THSD4: variants seen among roughly 807,000 people sequenced by gnomAD.
The protein encoded by THSD4 is thrombospondin type-1 domain-containing protein 4.
A neutral mutation model predicts 119.0 loss-of-function variants in THSD4; 69 were observed. The ratio of observed to expected loss-of-function variants is 0.58; its 90% CI spans 0.48 to 0.71. The LOEUF (loss-of-function observed/expected upper bound fraction) is 0.71. Among genes scored for constraint, THSD4 ranks in the 30% least tolerant of loss-of-function variants. The pLI is 0.00. For synonymous variants in THSD4, 524 were observed against 540.4 expected (o/e 0.97, Z 0.42); for missense variants, 1,393 against 1,391.1 (o/e 1.00, Z -0.02).
chr15:71,132,520 A>G (rs1180909947), intron 1 of THSD4, among the ~76,000 whole-genome samples: 1 of 152,270 alleles, frequency 6.6e-6, no homozygotes, highest in Non-Finnish European at 1.5e-5. Context: ...AAGAACATCA[A>G]AAGGTTTAAT....
chr15:71,191,738 C>T (rs769958888), intron 3 of THSD4, among the ~76,000 whole-genome samples: 6 of 152,096 alleles, frequency 3.9e-5, no homozygotes, highest in Admixed American at 2.0e-4. Flanking sequence ...AATCTCATCT[C>T]CTTTTACCCT....
At chr15:71,412,440 G>T (rs2140503950) in intron 7 of THSD4, among the ~76,000 whole-genome samples, 1 of 152,270 alleles carries the variant, frequency 6.6e-6, no homozygotes, top group Non-Finnish European at 1.5e-5. Context: ...TTAAAAATAG[G>T]CATCTTAGAT....
chr15:71,631,305 G>T (rs1434956741), intron 7 of THSD4, among the ~76,000 whole-genome samples: 1 of 152,196 alleles, frequency 6.6e-6, no homozygotes, highest in Admixed American at 6.5e-5. Flanking sequence ...GGTTGAAAAG[G>T]AGAGAGCTTT....
At chr15:71,624,833 A>G (rs963294039) in intron 7 of THSD4, among the ~76,000 whole-genome samples, 2 of 152,186 alleles carry the variant, frequency 1.3e-5, no homozygotes, top group South Asian at 2.1e-4. Flanking sequence ...TGCTAGGATC[A>G]TCTGGTGAGC....
At chr15:71,605,903 G>A (rs915180848) in intron 7 of THSD4, among the ~76,000 whole-genome samples, 4 of 152,160 alleles carry the variant, frequency 2.6e-5, no homozygotes, top group Admixed American at 2.6e-4. Flanking sequence ...TGGGGAGGAA[G>A]GCACAGGAGA....
At chr15:71,510,568 G>A (rs572442880) in intron 7 of THSD4, among the ~76,000 whole-genome samples, 4 of 152,318 alleles carry the variant, frequency 2.6e-5, no homozygotes, top group African/African-American at 9.6e-5. Flanking sequence ...CGTCTACAGA[G>A]TGACCTGAAT....
At chr15:71,207,423 C>T (rs940037372) in intron 3 of THSD4, among the ~76,000 whole-genome samples, 4 of 152,236 alleles carry the variant, frequency 2.6e-5, no homozygotes, top group Non-Finnish European at 4.4e-5. Flanking sequence ...AGCCTTTGCT[C>T]GTTCCAGGAG....
chr15:71,204,453 C>T (rs1009952963), intron 3 of THSD4, among the ~76,000 whole-genome samples: 3 of 152,156 alleles, frequency 2.0e-5, no homozygotes, highest in Non-Finnish European at 4.4e-5. Context: ...TTGCCTCTCC[C>T]TGTTGTGGTA....
chr15:71,371,684 C>T (rs762804103), intron 6 of THSD4, among the ~76,000 whole-genome samples: 3 of 152,270 alleles, frequency 2.0e-5, no homozygotes, highest in Non-Finnish European at 2.9e-5. Flanking sequence ...GTGGGTAAAC[C>T]GACCTTTCTC....
intron 7 of THSD4, among the ~76,000 whole-genome samples, chr15:71,604,904 A>C (rs752008841): frequency 1.3e-5 from 2 of 152,178 alleles, no homozygotes; most frequent in African/African-American, 4.8e-5. Flanking sequence ...AAGAAATGCT[A>C]TGGAGAAAAA....
chr15:71,576,000 T>A (rs1175988268), intron 7 of THSD4, among the ~76,000 whole-genome samples: 1 of 152,178 alleles, frequency 6.6e-6, no homozygotes, highest in African/African-American at 2.4e-5. Context: ...ATTTGTTCAT[T>A]TATATCACTT....
At position 71,450,329 on chromosome 15, in the gene THSD4, C is replaced by T. The variant is rs115092608; in HGVS notation, c.1152+38506C>T. Among the ~76,000 whole-genome samples, 1,160 of 151,958 alleles carry T rather than the reference C, an allele frequency of 7.6e-3. 19 individuals are homozygous for T. The highest frequency in any genetic ancestry group is 0.027 in the African/African-American group (1,103 of 41,386). On this transcript the variant is annotated intron_variant, in intron 7 of 17. Transcript: ENST00000261862. The stretch of plus-strand genomic sequence containing the variant: ...ATTGTAGGCCCAGGTGAGAATAATG[C>T]AGGCAATTGAAGATTTTTTTTTTTC...
chr15:71,330,101 A>G (rs1268486878), intron 6 of THSD4, among the ~76,000 whole-genome samples: 1 of 151,082 alleles, frequency 6.6e-6, no homozygotes, highest in African/African-American at 2.4e-5. Context: ...AAAAAAAAAA[A>G]GACCACCATG....
At chr15:71,543,617 T>A (rs1382749820) in intron 7 of THSD4, among the ~76,000 whole-genome samples, 3 of 152,214 alleles carry the variant, frequency 2.0e-5, no homozygotes, top group African/African-American at 7.2e-5. Flanking sequence ...AAACACTAGC[T>A]CAGTTTTAGA....
At chr15:71,738,765 G>A (rs767137665) in intron 11 of THSD4, among the ~76,000 whole-genome samples, 1 of 152,004 alleles carries the variant, frequency 6.6e-6, no homozygotes, top group Non-Finnish European at 1.5e-5. Context: ...TCTCGTCTAG[G>A]TATGCAGCTC....
At chr15:71,720,977 T>G (rs2052710461) in intron 8 of THSD4, among the ~76,000 whole-genome samples, 1 of 152,230 alleles carries the variant, frequency 6.6e-6, no homozygotes, top group South Asian at 2.1e-4. Flanking sequence ...AAACAAACAT[T>G]TAGATCATAG....
chr15:71,585,102 T>A (rs1338932554), intron 7 of THSD4, among the ~76,000 whole-genome samples: 1 of 152,244 alleles, frequency 6.6e-6, no homozygotes, highest in African/African-American at 2.4e-5. Flanking sequence ...TATACCAGAA[T>A]TAAAAGTAAT....
At chr15:71,332,172 G>A (rs144473253) in intron 6 of THSD4, among the ~76,000 whole-genome samples, 1 of 152,280 alleles carries the variant, frequency 6.6e-6, no homozygotes, top group Non-Finnish European at 1.5e-5. Context: ...GCTGGGTTCC[G>A]CTATTGCCTC....
intron 7 of THSD4, among the ~76,000 whole-genome samples, chr15:71,442,782 T>A (rs1359792283): frequency 2.0e-5 from 3 of 146,810 alleles, no homozygotes; most frequent in Non-Finnish European, 4.5e-5. Flanking sequence ...CTCTTTGCTT[T>A]GGTATAGGCT....
Sources: allele counts gnomAD v4.1 joint callset (sites outside exome capture counted in the v4.1 genomes callset), GRCh38; gene constraint gnomAD v4.1.1; transcripts MANE v1.5; gene names NCBI Gene and HGNC (gene_info 2026-07-23, HGNC 2026-07-21).